Variants in CEMIP2 observed in about 807,000 individuals in gnomAD.
CEMIP2 encodes cell surface hyaluronidase CEMIP2.
Under a neutral mutation model 146.9 loss-of-function variants are expected in CEMIP2, and 79 were observed. That is an observed-to-expected ratio of 0.54 (90% CI 0.45 to 0.65). The LOEUF (loss-of-function observed/expected upper bound fraction) is 0.65. CEMIP2 is among the 30% of genes least tolerant of loss of function. The pLI is 0.00. For synonymous variants in CEMIP2, 601 were observed against 606.3 expected (o/e 0.99, Z 0.13); for missense variants, 1,596 against 1,696.2 (o/e 0.94, Z 1.04).
chr9:71,750,112 T>C lies in CEMIP2; in HGVS notation c.262A>G (p.Ile88Val). 1.2e-6 allele frequency: 2 copies of C among 1,613,846 alleles called. No individual in the cohort carries two copies. The highest frequency in any genetic ancestry group is 2.7e-5 in the African/African-American group (2 of 75,040). Residue 88 changes from isoleucine (I) to valine (V), a missense_variant, in exon 2 of 24, where the codon ATT (isoleucine) becomes GTT (valine). By Grantham distance (29) the Ile-to-Val change is conservative. Transcript: ENST00000377044. ...GCAATAAAAAATGAGAAACTAGTAA[T>C]AGCAAAACAAATGAAAGTATTTTTG... ...RHKNTFICFA[I>V]TSFSFFIALA...
chr9:71,763,820 C>T (rs1222175472), intron 1 of CEMIP2, among the ~76,000 whole-genome samples: 1 of 152,168 alleles, frequency 6.6e-6, no homozygotes, highest in Non-Finnish European at 1.5e-5. Context: ...GTTTATGAGT[C>T]TTTCACTTTT....
Position 71,740,144 on chromosome 9 carries a change from C to T in CEMIP2, c.1123G>A (p.Gly375Arg), listed in dbSNP as rs774705118. Residue 375 changes from glycine to arginine, a missense_variant, in exon 5 of 24, where the codon GGG becomes AGG. Physicochemically the swap from Gly to Arg is moderately radical, Grantham distance 125 (BLOSUM62 -2). Transcript: ENST00000377044. ...AATTCTCTTTGGGCAAGAGCCTTCC[C>T]GCCACTGCTATGATTTTCATAGTTT... ...VRNYENHSSG[G>R]KALAQREFYT... 5.0e-6 allele frequency: 8 copies of T among 1,613,958 alleles called. No homozygotes were observed. The highest frequency in any genetic ancestry group is 1.3e-5 in the African/African-American group (1 of 74,918).
At chr9:71,717,890 A>T in intron 13 of CEMIP2, 58 bp downstream of exon 13, 1 of 1,519,042 alleles carries the variant, frequency 6.6e-7, no homozygotes, top group South Asian at 1.3e-5. Context: ...GCTTTAAAAA[A>T]AATCTGAAAA....
At chr9:71,699,580 C>T (rs1225649831) in intron 19 of CEMIP2, 2 of 317,922 alleles carry the variant, frequency 6.3e-6, no homozygotes, top group African/African-American at 4.3e-5. Flanking sequence ...TGAGTTGCAT[C>T]TTATTTAAAG....
At chr9:71,743,312 G>T (rs890771653) in intron 4 of CEMIP2, among the ~76,000 whole-genome samples, 6 of 152,122 alleles carry the variant, frequency 3.9e-5, no homozygotes, top group African/African-American at 1.4e-4. Flanking sequence ...CTGGGCTGCT[G>T]GCAATGTCCT....
chr9:71,745,721 G>A (rs945675323), intron 3 of CEMIP2, 142 bp from the exon 4 acceptor site: 54 of 843,582 alleles, frequency 6.4e-5, no homozygotes, highest in Middle Eastern at 3.5e-4. Context: ...GAAAACTAAA[G>A]GGAAAAATGA....
At chr9:71,729,152 T>TA (rs893158427) in intron 10 of CEMIP2, among the ~76,000 whole-genome samples, 1 of 152,040 alleles carries the variant, frequency 6.6e-6, no homozygotes, top group Non-Finnish European at 1.5e-5. Flanking sequence ...AGCCTATTTT[T>TA]ATCAACACCC....
Position 71,704,632 on chromosome 9 carries a change from G to A in CEMIP2, c.3157C>T (p.Pro1053Ser). The stretch of plus-strand genomic sequence containing the variant: ...ACGAGGTATAGAAATGTAGTCCGTG[G>A]TGCCGGCCCATTCCAGTGGATGGTA... Reference protein sequence around the residue: ...GYTIHWNGPAPRTTFLYLVNF... With the variant: ...GYTIHWNGPASRTTFLYLVNF... The change falls in exon 18 of 24, where the codon CCA (proline) becomes TCA (serine). Residue 1053 changes from proline to serine, a missense_variant. By Grantham distance (74) the Pro-to-Ser change is moderately conservative (BLOSUM62 -1). Transcript: ENST00000377044. 1 of 1,614,124 alleles carries A rather than the reference G, an allele frequency of 6.2e-7. No individual in the cohort carries two copies. The highest frequency in any genetic ancestry group is 1.6e-4 in the Middle Eastern group (1 of 6,062).
chr9:71,712,314 C>T, intron 15 of CEMIP2, 54 bp from the exon 16 acceptor site: 4 of 1,537,832 alleles, frequency 2.6e-6, no homozygotes, highest in Non-Finnish European at 3.6e-6. Flanking sequence ...CTTAGCAGCA[C>T]TTCACTTACT....
chr9:71,690,189 G>T lies in CEMIP2; in HGVS notation c.3754C>A (p.Pro1252Thr), dbSNP rs773051252. Residue 1252 changes from proline to threonine, a missense_variant, in exon 22 of 24, where the codon CCG (proline) becomes ACG (threonine). Transcript: ENST00000377044. Reference sequence around the variant, plus strand: ...GTCAAGCGGAATGGAACGCTGCACGGATCCACAACAAGGAGGAGGACGCCT... The same window carrying T: ...GTCAAGCGGAATGGAACGCTGCACGTATCCACAACAAGGAGGAGGACGCCT... ...SAGVLLLVVD[P>T]CSVPFRLTEK... 6.2e-7 allele frequency: 1 copy of T among 1,614,020 alleles called. No individual in the cohort carries two copies. The highest frequency in any genetic ancestry group is 8.5e-7 in the Non-Finnish European group (1 of 1,180,020).
chr9:71,725,387 A>G (rs947745130), intron 11 of CEMIP2, among the ~76,000 whole-genome samples, 194 bp downstream of exon 11: 8 of 152,134 alleles, frequency 5.3e-5, no homozygotes, highest in African/African-American at 1.9e-4. Flanking sequence ...GAAGAACCTT[A>G]CCAAATGCTG....
At chr9:71,754,087 T>C (rs1421079698) in intron 1 of CEMIP2, among the ~76,000 whole-genome samples, 2 of 152,108 alleles carry the variant, frequency 1.3e-5, no homozygotes, top group Admixed American at 6.6e-5. Context: ...GGGAGAGGGA[T>C]AGCATTAGGA....
At chr9:71,709,201 G>T in intron 17 of CEMIP2, 58 bp downstream of exon 17, 1 of 1,512,618 alleles carries the variant, frequency 6.6e-7, no homozygotes, top group Non-Finnish European at 9.2e-7. Flanking sequence ...ACTTCTCACA[G>T]AAGCAGTGCT....
rs1554684755 is a variant in CEMIP2, at chr9:71,728,289, A to ATATACG, written c.2049+1555_2049+1556insCGTATA. Among the ~76,000 whole-genome samples, 4 of 31,142 alleles carry ATATACG rather than the reference A, an allele frequency of 1.3e-4. 1 individual carries two copies. The highest frequency in any genetic ancestry group is 4.3e-4 in the African/African-American group (4 of 9,408). 20.4% of individuals were successfully genotyped at this position (31,142 alleles called of 152,430 possible). ...TATATATATATATATATGTATATATATATATATATATACATATATATATAT... is the reference window on the plus strand; with the variant it reads ...TATATATATATATATATGTATATATATATACGTATATATATATACATATATATATAT... On this transcript the variant is annotated intron_variant, in intron 10 of 23. Coordinates refer to ENST00000377044, the MANE Select transcript of CEMIP2 (RefSeq NM_013390.3).
chr9:71,736,887 G>T (rs1283973144), intron 5 of CEMIP2, among the ~76,000 whole-genome samples: 2 of 152,148 alleles, frequency 1.3e-5, no homozygotes, highest in African/African-American at 4.8e-5. Flanking sequence ...TTAAGATGCT[G>T]ACTCTAGGAT....
At chr9:71,719,253 G>A (rs11142972) in intron 12 of CEMIP2, among the ~76,000 whole-genome samples, 2 of 152,332 alleles carry the variant, frequency 1.3e-5, no homozygotes, top group East Asian at 3.9e-4. Flanking sequence ...CACAGTAGGT[G>A]CTCACTAAAT....
At chr9:71,764,078 T>C (rs1416176348) in intron 1 of CEMIP2, among the ~76,000 whole-genome samples, 3 of 152,232 alleles carry the variant, frequency 2.0e-5, no homozygotes, top group Admixed American at 6.5e-5. Context: ...TATGCTTTTA[T>C]TCTATGATTC....
At chr9:71,704,207 C>A (rs1822660360) in intron 18 of CEMIP2, among the ~76,000 whole-genome samples, 1 of 152,200 alleles carries the variant, frequency 6.6e-6, no homozygotes, top group African/African-American at 2.4e-5. Context: ...ATCCATCCCA[C>A]TACTTTCTTC....
intron 1 of CEMIP2, among the ~76,000 whole-genome samples, chr9:71,755,265 C>T (rs567078709): frequency 5.0e-4 from 71 of 141,848 alleles, no homozygotes; most frequent in African/African-American, 1.8e-3. Flanking sequence ...AATCTCAGTG[C>T]TTTGGGGGGT....
Sources: gnomAD v4.1 joint callset for allele counts (sites outside exome capture counted in the v4.1 genomes callset) on GRCh38, gnomAD v4.1.1 for gene constraint, MANE v1.5 for transcripts, NCBI Gene and HGNC (gene_info 2026-07-23, HGNC 2026-07-21) for gene names.